Variants in FSTL4 observed in about 807,000 individuals in gnomAD.
The protein encoded by FSTL4 is follistatin-related protein 4.
In FSTL4, 28 loss-of-function variants were observed where a neutral mutation model predicts 78.2. That is an observed-to-expected ratio of 0.36 (90% CI 0.27 to 0.49). The LOEUF (loss-of-function observed/expected upper bound fraction) is 0.49. Ranked by LOEUF, FSTL4 falls within the 20% of genes least tolerant of loss-of-function variation. The probability of loss-of-function intolerance (pLI) is 0.98; values close to 1 mark genes in which losing one functional copy is unlikely to be tolerated. For synonymous variants in FSTL4, 422 were observed against 440.5 expected, an observed-to-expected ratio of 0.96 and a Z score of 0.53; for missense variants, 922 against 1,084.9, an observed-to-expected ratio of 0.85 and a Z score of 2.11.
At chr5:133,222,082 C>G (rs914870453) in intron 11 of FSTL4, among the ~76,000 whole-genome samples, 1 of 151,668 alleles carries the variant, frequency 6.6e-6, no homozygotes, top group Non-Finnish European at 1.5e-5. Flanking sequence ...CCCAGAGGCA[C>G]TAATGTGAGT....
intron 4 of FSTL4, among the ~76,000 whole-genome samples, chr5:133,358,844 C>A (rs1447055236): frequency 6.6e-6 from 1 of 152,082 alleles, no homozygotes. Context: ...CCCGCCTCAG[C>A]CTCCCACTTC....
the FSTL4 span, among the ~76,000 whole-genome samples, chr5:133,836,194 T>A: frequency 5.3e-5 from 8 of 152,284 alleles, no homozygotes; most frequent in Middle Eastern, 3.4e-3. Context: ...TATATTTGAG[T>A]TTATAATCTT....
intron 3 of FSTL4, among the ~76,000 whole-genome samples, chr5:133,443,799 C>T (rs1319413546): frequency 6.6e-6 from 1 of 152,220 alleles, no homozygotes; most frequent in African/African-American, 2.4e-5. Flanking sequence ...TCCAGCCACA[C>T]TTCACTGTCT....
At chr5:133,249,610 C>G in intron 6 of FSTL4, 34 bp from the exon 7 acceptor site, 1 of 1,580,552 alleles carries the variant, frequency 6.3e-7, no homozygotes, top group East Asian at 2.3e-5. Context: ...CGGTCAGGTG[C>G]AGGCCCAGGG....
At chr5:133,631,864 T>C in the FSTL4 span, among the ~76,000 whole-genome samples, 9 of 152,146 alleles carry the variant, frequency 5.9e-5, no homozygotes, top group Middle Eastern at 3.2e-3. Context: ...TGGATGAAGC[T>C]GGAAACAATC....
intron 4 of FSTL4, among the ~76,000 whole-genome samples, chr5:133,371,143 G>T (rs563463026): frequency 6.6e-6 from 1 of 152,224 alleles, no homozygotes; most frequent in Non-Finnish European, 1.5e-5. Context: ...GAGGGCCAAC[G>T]GTCCCGAGGA....
intron 2 of FSTL4, among the ~76,000 whole-genome samples, chr5:133,573,254 A>G (rs1208196637): frequency 2.6e-5 from 4 of 151,728 alleles, no homozygotes; most frequent in Middle Eastern, 3.2e-3. Context: ...AAAAAAAAAC[A>G]AAAACAAAAC....
intron 4 of FSTL4, among the ~76,000 whole-genome samples, chr5:133,376,955 G>C (rs1755450181): frequency 6.6e-6 from 1 of 151,564 alleles, no homozygotes; most frequent in Non-Finnish European, 1.5e-5. Context: ...CTTGAGCCAT[G>C]ATCTGCTTGC....
Position 133,225,774 on chromosome 5 carries a change from G to C in FSTL4, c.1061C>G (p.Pro354Arg). 6.2e-7 allele frequency: 1 copy of C among 1,609,580 alleles called. No individual in the cohort carries two copies. The highest frequency in any genetic ancestry group is 8.5e-7 in the Non-Finnish European group (1 of 1,177,912). ...GCATCTTAGGCTGGCTGCCACTCCA[G>C]GCTCCTGTGCCTGGCTCTCTGGATA... Reference protein sequence around the residue: ...RVYPESQAQEPGVAASLRCHA... With the variant: ...RVYPESQAQERGVAASLRCHA... The change falls in exon 9 of 16, where the codon CCT (proline) becomes CGT (arginine). Residue 354 changes from proline to arginine, a missense_variant. Coordinates refer to ENST00000265342, the MANE Select transcript of FSTL4 (RefSeq NM_015082.2). The surrounding 1 kb of genome is among the most constrained non-coding windows in gnomAD (Gnocchi z 4.6).
chr5:133,608,458 G>A (rs1761020105), intron 1 of FSTL4, among the ~76,000 whole-genome samples: 1 of 152,260 alleles, frequency 6.6e-6, no homozygotes, highest in South Asian at 2.1e-4. Flanking sequence ...CCAGAAGGTG[G>A]ACGAATCCAC....
chr5:133,623,251 C>G, the FSTL4 span, among the ~76,000 whole-genome samples: 3 of 152,070 alleles, frequency 2.0e-5, no homozygotes, highest in Admixed American at 6.5e-5. Flanking sequence ...GCTCACACTT[C>G]AACGCTTACT....
chr5:133,383,492 T>C (rs1261321994), intron 4 of FSTL4, among the ~76,000 whole-genome samples: 1 of 152,146 alleles, frequency 6.6e-6, no homozygotes, highest in African/African-American at 2.4e-5. Flanking sequence ...CTCCATCCCA[T>C]TGAATGACAA....
In FSTL4 at chr5:133,502,474, G is replaced by A. The variant is rs572478021; in HGVS notation, c.160+64712C>T. Among the ~76,000 whole-genome samples the A allele has an allele frequency of 2.5e-4, 38 of 152,294 alleles. 1 individual carries two copies. The highest frequency in any genetic ancestry group is 8.5e-4 in the Admixed American group (13 of 15,300). ...ATATGGTTTGGATCTGTGTCCCCAC[G>A]AAATCTCCTGTGGAATTGCAATCCC... On this transcript the variant is annotated intron_variant, in intron 3 of 15. Coordinates refer to ENST00000265342, the MANE Select transcript of FSTL4 (RefSeq NM_015082.2).
intron 4 of FSTL4, among the ~76,000 whole-genome samples, chr5:133,395,319 A>G (rs1441366330): frequency 6.6e-6 from 1 of 152,166 alleles, no homozygotes; most frequent in Non-Finnish European, 1.5e-5. Context: ...GGGAGGAATG[A>G]ACAACTCCAG....
At chr5:133,443,573 G>C (rs776049801) in intron 3 of FSTL4, among the ~76,000 whole-genome samples, 2 of 152,176 alleles carry the variant, frequency 1.3e-5, no homozygotes, top group Non-Finnish European at 2.9e-5. Flanking sequence ...TCTCCAATCT[G>C]AGCCTGGGTG....
the FSTL4 span, among the ~76,000 whole-genome samples, chr5:133,744,685 G>A: frequency 5.3e-5 from 8 of 152,200 alleles, no homozygotes; most frequent in South Asian, 1.7e-3. Context: ...TCCTCCATCT[G>A]TATCCCCCTT....
intron 2 of FSTL4, among the ~76,000 whole-genome samples, chr5:133,581,060 T>G (rs539147865): frequency 6.0e-4 from 91 of 152,246 alleles, no homozygotes; most frequent in African/African-American, 2.1e-3. Context: ...TACAGGGAGG[T>G]AAATCCCCAT....
At position 133,217,396 on chromosome 5, in the gene FSTL4, T is replaced by C. The variant is rs1347933325; in HGVS notation, c.1459-18A>G. 1.2e-6 allele frequency: 2 copies of C among 1,612,740 alleles called. No homozygotes were observed. Among genetic ancestry groups the C allele is most frequent in the Non-Finnish European group, 1.7e-6 (2 of 1,179,094 alleles). On this transcript the variant is annotated intron_variant, in intron 12 of 15. Coordinates refer to ENST00000265342, the MANE Select transcript of FSTL4 (RefSeq NM_015082.2). ...ATTTCTTCCTGCAAAGGAGATAGGC[T>C]GTCATATATCTTCTTAATTGCCCTT... is the stretch of plus-strand genomic sequence containing the variant.
At chr5:133,801,925 T>A in the FSTL4 span, among the ~76,000 whole-genome samples, 1 of 152,216 alleles carries the variant, frequency 6.6e-6, no homozygotes, top group Non-Finnish European at 1.5e-5. Flanking sequence ...CACACCTCCC[T>A]GCTCCCTACT....
Sources: gnomAD v4.1 joint callset for allele counts (sites outside exome capture counted in the v4.1 genomes callset) on GRCh38, gnomAD v4.1.1 for gene constraint, Gnocchi (gnomAD v3.1) non-coding constraint, MANE v1.5 for transcripts, NCBI Gene and HGNC (gene_info 2026-07-23, HGNC 2026-07-21) for gene names.